The following NCKIPSD variants were observed in gnomAD, a reference collection of about 807,000 sequenced individuals.
NCKIPSD encodes NCK-interacting protein with SH3 domain.
Under a neutral mutation model 73.4 loss-of-function variants are expected in NCKIPSD, and 48 were observed. That is an observed-to-expected ratio of 0.65 (90% confidence interval 0.52 to 0.83). The LOEUF is 0.83. NCKIPSD is among the 40% of genes least tolerant of loss of function. The pLI is 0.00. For synonymous variants in NCKIPSD, 422 were observed against 403.6 expected (o/e 1.05, Z -0.54); for missense variants, 884 against 970.2 (o/e 0.91, Z 1.18).
chr3:48,677,806 C>T (rs780256598), intron 12 of NCKIPSD, among the ~76,000 whole-genome samples: 5 of 152,322 alleles, frequency 3.3e-5, no homozygotes, highest in South Asian at 2.1e-4. Flanking sequence ...CCGAACTTCC[C>T]GCTGACCTGC....
In NCKIPSD at chr3:48,685,709, G is replaced by A. The variant is rs1480373614; in HGVS notation, c.99C>T (p.His33=). The A allele has an allele frequency of 6.5e-7, 1 of 1,528,256 alleles. No homozygotes were observed. The highest frequency in any genetic ancestry group is 1.2e-5 in the South Asian group (1 of 83,650). The allele number at this position is 1,528,256 out of a possible 1,614,324, so 94.7% of individuals were successfully genotyped here. A position where few individuals can be genotyped will look rare whatever the true frequency, so the allele number is the denominator to read the frequency against. ...TGCGCGCCCGCGCGGCCAGCCACCA[G>A]TGCGCGCTGCTTCGCTCTAGCACCA... ...TFLVLERSSA[H]WWLAARARSG... Residue 33 remains histidine (H), a synonymous_variant, in exon 1 of 13, where the codon CAC becomes CAT. Coordinates refer to ENST00000294129, the MANE Select transcript of NCKIPSD (RefSeq NM_016453.4).
intron 12 of NCKIPSD, among the ~76,000 whole-genome samples, chr3:48,675,567 G>C (rs1166693580): frequency 2.2e-5 from 3 of 139,482 alleles, no homozygotes; most frequent in African/African-American, 8.2e-5. Flanking sequence ...TTTGAGACAG[G>C]GTCTCGTGCT....
chr3:48,682,615 C>A, intron 2 of NCKIPSD, 63 bp from the exon 3 acceptor site: 1 of 1,567,490 alleles, frequency 6.4e-7, no homozygotes, highest in South Asian at 1.1e-5. Flanking sequence ...CCTCATATGC[C>A]CCTGTGGGAT....
chr3:48,677,678 C>T (rs1413532312), intron 12 of NCKIPSD, among the ~76,000 whole-genome samples: 1 of 152,200 alleles, frequency 6.6e-6, no homozygotes, highest in Non-Finnish European at 1.5e-5. Context: ...GCTCAGGCTC[C>T]TAACGGTATA....
chr3:48,682,259 C>G (rs887433332), intron 3 of NCKIPSD, 89 bp downstream of exon 3: 1 of 1,577,028 alleles, frequency 6.3e-7, no homozygotes, highest in African/African-American at 1.3e-5. Context: ...GGCTCTGGGC[C>G]GCATCACTCC....
At position 48,674,125 on chromosome 3, in the gene NCKIPSD, G is replaced by GC; in HGVS notation, c.*418dup. The stretch of plus-strand genomic sequence containing the variant: ...GAGCAGCACTCACTGCAAAGCTAAG[G>GC]CAAAGAATAGAGCTGGTGGGAGATG... On this transcript the variant is annotated 3_prime_UTR_variant, in exon 13 of 13. Transcript: ENST00000294129. 8.9e-7 allele frequency: 1 copy of GC among 1,120,400 alleles called. No homozygotes were observed. The highest frequency in any genetic ancestry group is 1.1e-6 in the Non-Finnish European group (1 of 911,842). 69.4% of individuals were successfully genotyped at this position (1,120,400 alleles called of 1,614,324 possible). A position where few individuals can be genotyped will look rare whatever the true frequency, so the allele number is the denominator to read the frequency against.
Position 48,679,404 on chromosome 3 carries a change from C to T in NCKIPSD, c.1543G>A (p.Gly515Arg), listed in dbSNP as rs758806458. 2 of 1,614,102 alleles carry T rather than the reference C, an allele frequency of 1.2e-6. No individual in the cohort carries two copies. Among genetic ancestry groups the T allele is most frequent in the Non-Finnish European group, 8.5e-7 (1 of 1,180,000 alleles). Residue 515 changes from glycine (G) to arginine (R), a missense_variant, in exon 9 of 13, where the codon GGA becomes AGA. Gly to Arg is a moderately radical substitution (Grantham distance 125). Coordinates refer to ENST00000294129, the MANE Select transcript of NCKIPSD (RefSeq NM_016453.4). ...TAGTGTGCATAGGGCACTGCCTCTC[C>T]CATGGAGAAGACCATGGCCAGGATG... is the stretch of plus-strand genomic sequence containing the variant. ...ALILAMVFSM[G>R]EAVPYAHYEH...
In NCKIPSD at chr3:48,674,574, T is replaced by G. The variant is rs1465864393; in HGVS notation, c.2139A>C (p.Glu713Asp). The G allele has an allele frequency of 6.2e-7, 1 of 1,603,276 alleles. No individual in the cohort carries two copies. The highest frequency in any genetic ancestry group is 8.5e-7 in the Non-Finnish European group (1 of 1,174,436). The change falls in exon 13 of 13, where the codon GAA becomes GAC. Residue 713 changes from glutamate to aspartate, a missense_variant. By Grantham distance (45) the Glu-to-Asp change is conservative. Transcript: ENST00000294129. ...DRMIVREMCK[E>D]FLVLGEAPS ...TGGGAGCCTCCCCCAGCACCAGGAATTCCTTGCACATCTCTCGGACAATCA... is the reference window on the plus strand; with the variant it reads ...TGGGAGCCTCCCCCAGCACCAGGAAGTCCTTGCACATCTCTCGGACAATCA...
At chr3:48,679,769 T>C (rs1399966635) in intron 7 of NCKIPSD, 32 bp downstream of exon 7, 1 of 1,614,142 alleles carries the variant, frequency 6.2e-7, no homozygotes, top group African/African-American at 1.3e-5. Context: ...TCTAGGTCTC[T>C]CCATTACCCC....
intron 12 of NCKIPSD, among the ~76,000 whole-genome samples, 184 bp from the exon 13 acceptor site, chr3:48,674,931 A>AT (rs1487211804): frequency 3.3e-5 from 5 of 152,136 alleles, no homozygotes; most frequent in Admixed American, 6.5e-5. Flanking sequence ...GTAAGCGAAT[A>AT]AACGAATCAT....
Position 48,674,047 on chromosome 3 carries a change from G to A in NCKIPSD, c.*497C>T, listed in dbSNP as rs1011283302. 11 of 1,072,430 alleles carry A rather than the reference G, an allele frequency of 1.0e-5. No individual in the cohort carries two copies. The African/African-American group carries it at 1.8e-4, about 18-fold the overall frequency. The allele number at this position is 1,072,430 out of a possible 1,614,324, so 66.4% of individuals were successfully genotyped here. On this transcript the variant is annotated 3_prime_UTR_variant, in exon 13 of 13. Transcript: ENST00000294129. ...AAGCAGCAGCTTGGCCAAGGCCTCT[G>A]GGGGTAGGAGTGAAGGGCAGCGACC...
At chr3:48,679,286 G>A (rs1424984133) in intron 9 of NCKIPSD, 91 bp downstream of exon 9, 1 of 1,611,692 alleles carries the variant, frequency 6.2e-7, no homozygotes, top group Non-Finnish European at 8.5e-7. Context: ...GCCTCTCCCT[G>A]CTAGGCTGTG....
chr3:48,685,895 T>C lies in NCKIPSD; in HGVS notation c.-88A>G. On this transcript the variant is annotated 5_prime_UTR_variant, in exon 1 of 13. Transcript: ENST00000294129. ...GGAGCGCCGAGCCGCGCCGCGGTTGTCCCGCCCCGTGACACACTACGCAGG... is the reference window on the plus strand; with the variant it reads ...GGAGCGCCGAGCCGCGCCGCGGTTGCCCCGCCCCGTGACACACTACGCAGG... 5 of 1,246,018 alleles carry C rather than the reference T, an allele frequency of 4.0e-6. No homozygotes were observed. Among genetic ancestry groups the C allele is most frequent in the East Asian group, 3.3e-5 (1 of 30,486 alleles). The allele number at this position is 1,246,018 out of a possible 1,614,324, so 77.2% of individuals were successfully genotyped here. A position where few individuals can be genotyped will look rare whatever the true frequency, so the allele number is the denominator to read the frequency against.
intron 5 of NCKIPSD, among the ~76,000 whole-genome samples, chr3:48,680,484 G>A (rs1052657594): frequency 6.6e-6 from 1 of 152,236 alleles, no homozygotes; most frequent in East Asian, 1.9e-4. Flanking sequence ...CCAACTAGGA[G>A]GGCCATGAAC....
chr3:48,681,629 G>A lies in NCKIPSD; in HGVS notation c.750C>T (p.Gly250=). The stretch of plus-strand genomic sequence containing the variant: ...GGACTTGGGACACGGTGGTGTGGGT[G>A]CCTCGGCGGGGCACAGGTGGGGGTG... ...SPTPPPVPRR[G]THTTVSQVQP... is the part of the protein sequence containing the mutation. The change falls in exon 5 of 13, where the codon GGC becomes GGT. Residue 250 remains glycine (G), a synonymous_variant. Transcript: ENST00000294129. 1.2e-6 allele frequency: 2 copies of A among 1,613,730 alleles called. No individual in the cohort carries two copies. The highest frequency in any genetic ancestry group is 1.7e-6 in the Non-Finnish European group (2 of 1,179,850).
In NCKIPSD at chr3:48,674,206, G is replaced by A; in HGVS notation, c.*338C>T. 8.1e-7 allele frequency: 1 copy of A among 1,231,786 alleles called. No individual in the cohort carries two copies. The highest frequency in any genetic ancestry group is 1.5e-5 in the African/African-American group (1 of 66,658). The allele number at this position is 1,231,786 out of a possible 1,614,324, so 76.3% of individuals were successfully genotyped here. A position where few individuals can be genotyped will look rare whatever the true frequency, so the allele number is the denominator to read the frequency against. On this transcript the variant is annotated 3_prime_UTR_variant, in exon 13 of 13. Transcript: ENST00000294129. ...GAGGCCCAGGATACAGACCAGGAGG[G>A]GTGGGGATGGGGGTCTGGTCCAGCC...
Position 48,674,594 on chromosome 3 carries a change from CA to C in NCKIPSD, c.2118del (p.Ile706MetfsTer40). On this transcript the variant is annotated frameshift_variant, in exon 13 of 13. Transcript: ENST00000294129. LOFTEE classifies it high-confidence loss of function. ...TSPQCQMDRM[I>X]VREMCKEFLV... ...AGGAATTCCTTGCACATCTCTCGGA[CA>C]ATCATGCGGTCCATCTGGCACTGGG... 1 of 1,609,518 alleles carries C rather than the reference CA, an allele frequency of 6.2e-7. No homozygotes were observed. The highest frequency in any genetic ancestry group is 8.5e-7 in the Non-Finnish European group (1 of 1,177,872).
intron 9 of NCKIPSD, 83 bp downstream of exon 9, chr3:48,679,294 G>C (rs1161229711): frequency 1.2e-6 from 2 of 1,611,210 alleles, no homozygotes; most frequent in Non-Finnish European, 8.5e-7. Flanking sequence ...CTGCTAGGCT[G>C]TGTAGTCAGC....
chr3:48,685,321 C>G (rs1262295926), intron 1 of NCKIPSD, among the ~76,000 whole-genome samples: 1 of 151,808 alleles, frequency 6.6e-6, no homozygotes, highest in African/African-American at 2.4e-5. Flanking sequence ...TTCGGTGGGG[C>G]TCAGGGTCGC....
Sources: allele counts gnomAD v4.1 joint callset (sites outside exome capture counted in the v4.1 genomes callset), GRCh38; gene constraint gnomAD v4.1.1; transcripts MANE v1.5; gene names NCBI Gene and HGNC (gene_info 2026-07-23, HGNC 2026-07-21).